Variants in AGAP1 observed in about 807,000 individuals in gnomAD.
AGAP1 encodes ArfGAP with GTPase domain, ankyrin repeat and PH domain 1.
A neutral mutation model predicts 105.3 loss-of-function variants in AGAP1; 29 were observed. That is an observed-to-expected ratio of 0.28 (90% CI 0.21 to 0.38). The LOEUF (loss-of-function observed/expected upper bound fraction) is 0.38, where lower values mean the gene tolerates loss of function less well. Among genes scored for constraint, AGAP1 ranks in the 10% least tolerant of loss-of-function variants. The pLI is 1.00. For synonymous variants in AGAP1, 509 were observed against 485.9 expected, an observed-to-expected ratio of 1.05 and a Z score of -0.63; for missense variants, 998 against 1,165.1, an observed-to-expected ratio of 0.86 and a Z score of 2.09.
intron 6 of AGAP1, among the ~76,000 whole-genome samples, chr2:235,768,617 TAGA>T (rs1266267127): frequency 2.0e-5 from 3 of 152,228 alleles, no homozygotes; most frequent in Non-Finnish European, 4.4e-5. Context: ...AGCCAATGGG[TAGA>T]GCTGGGGCCC....
chr2:235,775,458 AAAC>A lies in AGAP1; in HGVS notation c.674-22296_674-22294del, dbSNP rs149907979. Among the ~76,000 whole-genome samples, 637 of 152,336 alleles carry A rather than the reference AAAC, an allele frequency of 4.2e-3. 3 individuals are homozygous for A. Among genetic ancestry groups the A allele is most frequent in the African/African-American group, 0.015 (621 of 41,576 alleles). On this transcript the variant is annotated intron_variant, in intron 6 of 17. Coordinates refer to ENST00000304032, the MANE Select transcript of AGAP1 (RefSeq NM_001037131.3). ...GACGAGTTACCATAGAAAGCTTTTTAAACAACATTTATTTTCCTACCTTCTGAA... is the reference window on the plus strand; with the variant it reads ...GACGAGTTACCATAGAAAGCTTTTTAAACATTTATTTTCCTACCTTCTGAA...
At chr2:235,956,369 G>A (rs1269795708) in intron 12 of AGAP1, among the ~76,000 whole-genome samples, 1 of 152,338 alleles carries the variant, frequency 6.6e-6, no homozygotes, top group African/African-American at 2.4e-5. Flanking sequence ...TTCCTGATAT[G>A]CATTGCATTC....
chr2:235,945,265 T>C (rs2053437903), intron 12 of AGAP1, among the ~76,000 whole-genome samples: 1 of 152,096 alleles, frequency 6.6e-6, no homozygotes, highest in African/African-American at 2.4e-5. Context: ...CGCGCCCGGC[T>C]AATTTTTTGT....
At chr2:235,763,052 A>G (rs938491) in intron 6 of AGAP1, among the ~76,000 whole-genome samples, 42,188 of 150,032 alleles carry the variant, frequency 0.28, 6,250 homozygotes, top group Admixed American at 0.41. Flanking sequence ...GTGTGTGTGT[A>G]TGTGTGCGCG....
intron 1 of AGAP1, among the ~76,000 whole-genome samples, chr2:235,640,473 A>T (rs1344551107): frequency 6.6e-6 from 1 of 152,222 alleles, no homozygotes; most frequent in Admixed American, 6.5e-5. Flanking sequence ...AGAAAATCCT[A>T]AAACTCCAAA....
At chr2:236,064,543 C>T (rs993492055) in intron 16 of AGAP1, among the ~76,000 whole-genome samples, 17 of 152,362 alleles carry the variant, frequency 1.1e-4, no homozygotes, top group Admixed American at 9.8e-4. Context: ...TTGCAGTGAG[C>T]TGAGATCGTG....
chr2:235,770,230 C>T (rs2149841844), intron 6 of AGAP1, among the ~76,000 whole-genome samples: 1 of 151,846 alleles, frequency 6.6e-6, no homozygotes, highest in African/African-American at 2.4e-5. Context: ...CGGGTTCATG[C>T]CATGCCATTC....
intron 12 of AGAP1, among the ~76,000 whole-genome samples, chr2:235,938,891 G>A (rs560629934): frequency 3.9e-5 from 6 of 152,226 alleles, no homozygotes; most frequent in African/African-American, 1.2e-4. Flanking sequence ...ATTCTTGGGG[G>A]CGATTTTTAA....
chr2:235,861,389 A>G (rs1313330686), intron 9 of AGAP1, among the ~76,000 whole-genome samples: 2 of 152,278 alleles, frequency 1.3e-5, no homozygotes, highest in South Asian at 2.1e-4. Flanking sequence ...GATTTTTGCA[A>G]CTGGTAAAGG....
At position 235,729,488 on chromosome 2, in the gene AGAP1, A is replaced by G. The variant is rs1951826652; in HGVS notation, c.311-11475A>G. 6.6e-6 allele frequency among the ~76,000 whole-genome samples: 1 copy of G among 152,086 alleles called. No individual in the cohort carries two copies. Among genetic ancestry groups the G allele is most frequent in the South Asian group, 2.1e-4 (1 of 4,814 alleles). On this transcript the variant is annotated intron_variant, in intron 3 of 17. Transcript: ENST00000304032. This position sits in a 1 kb window ranked among gnomAD's most constrained non-coding sequence, Gnocchi z 5.0. ...GCCAGTGACCCCCTCCCCCAGGAGG[A>G]TGCTGTAGGGGCAGTCTCACGGCGG...
rs1213051209 is a variant in AGAP1 at position 235,792,248 on chromosome 2, CTG to C, written c.674-5507_674-5506del. Reference sequence around the variant, plus strand: ...TGTCACTGCAATCTATACGCTTTCTCTGTGTCTTCCTTAGTTCTCTGCCCCCA... The same window carrying C: ...TGTCACTGCAATCTATACGCTTTCTCTGTCTTCCTTAGTTCTCTGCCCCCA... On this transcript the variant is annotated intron_variant, in intron 6 of 17. Coordinates refer to ENST00000304032, the MANE Select transcript of AGAP1 (RefSeq NM_001037131.3). This position sits in a 1 kb window ranked among gnomAD's most constrained non-coding sequence, Gnocchi z 5.3. Among the ~76,000 whole-genome samples the C allele has an allele frequency of 1.3e-5, 2 of 152,170 alleles. No homozygotes were observed. The highest frequency in any genetic ancestry group is 4.8e-5 in the African/African-American group (2 of 41,442).
At chr2:236,122,716 T>C (rs2059929700) in intron 17 of AGAP1, among the ~76,000 whole-genome samples, 1 of 136,224 alleles carries the variant, frequency 7.3e-6, no homozygotes, top group African/African-American at 2.9e-5. Context: ...AGAGTCTCAC[T>C]CTGTCTCCCG....
rs1391645035 is a variant in AGAP1, at chr2:235,692,549, C to A, written c.164-16630C>A. Among the ~76,000 whole-genome samples the A allele has an allele frequency of 1.3e-5, 2 of 152,088 alleles. No individual in the cohort carries two copies. Among genetic ancestry groups the A allele is most frequent in the Non-Finnish European group, 2.9e-5 (2 of 68,020 alleles). On this transcript the variant is annotated intron_variant, in intron 1 of 17. Coordinates refer to ENST00000304032, the MANE Select transcript of AGAP1 (RefSeq NM_001037131.3). This position sits in a 1 kb window ranked among gnomAD's most constrained non-coding sequence, Gnocchi z 5.8. ...CATCAAACCATACTTCGCCCTGCTG[C>A]CCCTATGCTCTCCCCCCTTGCCCTC...
chr2:235,708,802 C>T (rs774877736), intron 1 of AGAP1, among the ~76,000 whole-genome samples: 8 of 152,312 alleles, frequency 5.3e-5, no homozygotes, highest in South Asian at 2.1e-4. Context: ...AATCACTCCT[C>T]GGAAAGCTAG....
intron 1 of AGAP1, among the ~76,000 whole-genome samples, chr2:235,695,182 G>A (rs556944557): frequency 3.3e-5 from 5 of 152,244 alleles, no homozygotes; most frequent in African/African-American, 7.2e-5. Flanking sequence ...GCTGACCTTC[G>A]CAGGCTTCAG....
rs143169878 is a variant in AGAP1 at position 236,098,545 on chromosome 2, G to A, written c.2115-21647G>A. On this transcript the variant is annotated intron_variant, in intron 16 of 17. Transcript: ENST00000304032. Reference sequence around the variant, plus strand: ...AGATTGCACCACTGCAATCCAGCCTGGGTGACACAGCAACACTCTATAGCA... The same window carrying A: ...AGATTGCACCACTGCAATCCAGCCTAGGTGACACAGCAACACTCTATAGCA... 2.1e-3 allele frequency among the ~76,000 whole-genome samples: 317 copies of A among 151,710 alleles called. 1 individual carries two copies. Among genetic ancestry groups the A allele is most frequent in the Non-Finnish European group, 3.8e-3 (256 of 67,936 alleles).
chr2:235,907,456 T>G (rs2051361790), intron 10 of AGAP1, among the ~76,000 whole-genome samples: 1 of 152,118 alleles, frequency 6.6e-6, no homozygotes, highest in Non-Finnish European at 1.5e-5. Flanking sequence ...AATTAATAAA[T>G]GAAATGGAAT....
Position 235,882,434 on chromosome 2 carries a change from T to G in AGAP1, c.1051-911T>G, listed in dbSNP as rs777749259. On this transcript the variant is annotated intron_variant, in intron 9 of 17. Transcript: ENST00000304032. This position sits in a 1 kb window ranked among gnomAD's most constrained non-coding sequence, Gnocchi z 4.6. ...GGGTGTTCTTCTCCTGCGTCTCCGT[T>G]TTCTTCAGCTTGGCCCTATTGAAGC... 7 of 1,586,930 alleles carry G rather than the reference T, an allele frequency of 4.4e-6. No individual in the cohort carries two copies. The highest frequency in any genetic ancestry group is 6.0e-6 in the Non-Finnish European group (7 of 1,158,618).
chr2:235,626,101 C>G (rs186493790), intron 1 of AGAP1, among the ~76,000 whole-genome samples: 1 of 151,976 alleles, frequency 6.6e-6, no homozygotes, highest in East Asian at 1.9e-4. Context: ...GTAATCCCAG[C>G]ACTTTGGGAG....
Sources: gnomAD v4.1 joint callset for allele counts (sites outside exome capture counted in the v4.1 genomes callset) on GRCh38, gnomAD v4.1.1 for gene constraint, Gnocchi (gnomAD v3.1) non-coding constraint, MANE v1.5 for transcripts, NCBI Gene and HGNC (gene_info 2026-07-23, HGNC 2026-07-21) for gene names.